Variants in MRPS27 observed in about 807,000 individuals in gnomAD.
The protein encoded by MRPS27 is small ribosomal subunit protein mS27.
In MRPS27, 43 loss-of-function variants were observed where a neutral mutation model predicts 48.9. The ratio of observed to expected loss-of-function variants is 0.88; its 90% CI spans 0.69 to 1.13. MRPS27 has a LOEUF of 1.13. Among genes scored for constraint, MRPS27 ranks in the 50% most tolerant of loss-of-function variants. The pLI is 0.00. For missense variants in MRPS27, 467 were observed against 476.3 expected (o/e 0.98, Z 0.18); for synonymous variants, 188 against 171.9 (o/e 1.09, Z -0.73).
intron 4 of MRPS27, among the ~76,000 whole-genome samples, chr5:72,243,467 T>G (rs540937469): frequency 5.9e-5 from 9 of 152,234 alleles, no homozygotes; most frequent in Admixed American, 2.0e-4. Context: ...ATGACTATTA[T>G]ATTTTTGTCA....
At chr5:72,273,739 T>C (rs1749304367) in intron 4 of MRPS27, among the ~76,000 whole-genome samples, 1 of 152,182 alleles carries the variant, frequency 6.6e-6, no homozygotes, top group African/African-American at 2.4e-5. Flanking sequence ...TAGCTCTGGG[T>C]GAGTCAGTAA....
At chr5:72,261,456 G>A (rs1748972903) in intron 4 of MRPS27, among the ~76,000 whole-genome samples, 1 of 151,778 alleles carries the variant, frequency 6.6e-6, no homozygotes, top group South Asian at 2.1e-4. Flanking sequence ...TACCATGTTG[G>A]CCAGGCTGAT....
Position 72,299,659 on chromosome 5 carries a change from C to A in MRPS27, c.152-1957G>T, listed in dbSNP as rs538978169. On this transcript the variant is annotated intron_variant, in intron 2 of 10. Transcript: ENST00000261413. The stretch of plus-strand genomic sequence containing the variant: ...GGCCTGAATGATTCCTATTTTGGTT[C>A]CTTCTAGCAGAACATCCATAGGAAT... Among the ~76,000 whole-genome samples, 5 of 152,336 alleles carry A rather than the reference C, an allele frequency of 3.3e-5. No homozygotes were observed. The East Asian group carries it at 5.8e-4, about 18-fold the overall frequency.
intron 4 of MRPS27, among the ~76,000 whole-genome samples, chr5:72,256,445 C>G (rs930296042): frequency 6.6e-6 from 1 of 152,138 alleles, no homozygotes; most frequent in Non-Finnish European, 1.5e-5. Context: ...TATATAGAGC[C>G]GAAAAGGCAC....
intron 4 of MRPS27, among the ~76,000 whole-genome samples, chr5:72,242,242 A>G (rs1204540231): frequency 6.6e-6 from 1 of 152,118 alleles, no homozygotes; most frequent in Non-Finnish European, 1.5e-5. Context: ...TCCTATTCTC[A>G]AAACTCAGGC....
In MRPS27 at chr5:72,295,408, T is replaced by C. The variant is rs1387904445; in HGVS notation, c.281+123A>G. The C allele has an allele frequency of 7.0e-6, 5 of 715,206 alleles. No individual in the cohort carries two copies. The African/African-American group carries it at 7.2e-5, about 10-fold the overall frequency. 44.3% of individuals were successfully genotyped at this position (715,206 alleles called of 1,614,324 possible). On this transcript the variant is annotated intron_variant, in intron 4 of 10. Coordinates refer to ENST00000261413, the MANE Select transcript of MRPS27 (RefSeq NM_015084.3). ...ATCAGAAACTCTCTCTATACTCATA[T>C]GAAAAGATCTTTAAAATATAAACTT...
At position 72,298,534 on chromosome 5, in the gene MRPS27, G is replaced by A. The variant is rs1244878910; in HGVS notation, c.152-832C>T. 7.9e-5 allele frequency among the ~76,000 whole-genome samples: 12 copies of A among 151,636 alleles called. 1 individual carries two copies. Among genetic ancestry groups the A allele is most frequent in the Admixed American group, 7.9e-4 (12 of 15,234 alleles). Reference sequence around the variant, plus strand: ...ATCCTGGCTAACAAGGTGAAACCCCGTCTCTACTAAAAATACAAAAAATTA... The same window carrying A: ...ATCCTGGCTAACAAGGTGAAACCCCATCTCTACTAAAAATACAAAAAATTA... On this transcript the variant is annotated intron_variant, in intron 2 of 10. Coordinates refer to ENST00000261413, the MANE Select transcript of MRPS27 (RefSeq NM_015084.3).
rs1747684178 is a variant in MRPS27 at position 72,219,548 on chromosome 5, C to G, written c.*1361G>C. Reference sequence around the variant, plus strand: ...TAACATGATCCCGGAACATTTATTTCCAGAGGCTTTTGATAGAAGAGCACA... The same window carrying G: ...TAACATGATCCCGGAACATTTATTTGCAGAGGCTTTTGATAGAAGAGCACA... On this transcript the variant is annotated 3_prime_UTR_variant, in exon 11 of 11. Transcript: ENST00000261413. 1 of 152,178 alleles carries G rather than the reference C, an allele frequency of 6.6e-6. No individual in the cohort carries two copies. The highest frequency in any genetic ancestry group is 2.1e-4 in the South Asian group (1 of 4,828). 9.4% of individuals were successfully genotyped at this position (152,178 alleles called of 1,614,324 possible). A position where few individuals can be genotyped will look rare whatever the true frequency, so the allele number is the denominator to read the frequency against.
chr5:72,308,541 C>A (rs1439118597), intron 2 of MRPS27, among the ~76,000 whole-genome samples: 1 of 152,164 alleles, frequency 6.6e-6, no homozygotes, highest in Non-Finnish European at 1.5e-5. Context: ...CGCGCCCACT[C>A]GCCGCGTTCC....
chr5:72,224,774 C>T (rs1267625078), intron 9 of MRPS27, among the ~76,000 whole-genome samples: 1 of 152,134 alleles, frequency 6.6e-6, no homozygotes, highest in African/African-American at 2.4e-5. Flanking sequence ...AAAAATAGAG[C>T]ATTTTTGTTT....
chr5:72,238,228 A>G (rs1452462606), intron 4 of MRPS27, 100 bp from the exon 5 acceptor site: 1 of 714,176 alleles, frequency 1.4e-6, no homozygotes, highest in African/African-American at 1.8e-5. Flanking sequence ...ACAGAGTGCA[A>G]TGTGACAGAA....
intron 4 of MRPS27, among the ~76,000 whole-genome samples, chr5:72,275,680 T>G (rs1749355806): frequency 6.6e-6 from 1 of 152,228 alleles, no homozygotes; most frequent in Admixed American, 6.5e-5. Context: ...GGGTGCCTCC[T>G]TGGCCAGCTG....
intron 2 of MRPS27, among the ~76,000 whole-genome samples, chr5:72,300,530 T>C (rs1174385947): frequency 6.6e-6 from 1 of 152,210 alleles, no homozygotes; most frequent in East Asian, 1.9e-4. Context: ...TGTTCTCTTA[T>C]TTCCTCAACC....
intron 9 of MRPS27, 118 bp from the exon 10 acceptor site, chr5:72,223,968 TTTCTC>T (rs1459211275): frequency 1.0e-6 from 1 of 992,882 alleles, no homozygotes; most frequent in African/African-American, 1.6e-5. Context: ...TGTGAAAACA[TTTCTC>T]TTATAAAATT....
chr5:72,304,879 C>T (rs1750218959), intron 2 of MRPS27, among the ~76,000 whole-genome samples: 1 of 152,188 alleles, frequency 6.6e-6, no homozygotes, highest in Non-Finnish European at 1.5e-5. Context: ...TCTTTCTGGG[C>T]TTATGGTCAT....
rs189049168 is a variant in MRPS27 at position 72,249,167 on chromosome 5, C to T, written c.282-11039G>A. On this transcript the variant is annotated intron_variant, in intron 4 of 10. Coordinates refer to ENST00000261413, the MANE Select transcript of MRPS27 (RefSeq NM_015084.3). ...TGGGATTTTTTAAGCATGAATAAGG[C>T]AAAACTGAATGTTAAACTGCAGAGA... Among the ~76,000 whole-genome samples the T allele has an allele frequency of 4.6e-5, 7 of 152,260 alleles. No individual in the cohort carries two copies. In the East Asian group the frequency reaches 1.3e-3, roughly 29 times the overall value.
intron 4 of MRPS27, chr5:72,241,480 T>C: frequency 1.6e-6 from 1 of 613,792 alleles, no homozygotes; most frequent in Non-Finnish European, 2.8e-6. Context: ...CTATCTGGAA[T>C]ATAAACAAGT....
intron 4 of MRPS27, among the ~76,000 whole-genome samples, chr5:72,286,270 C>T (rs931397224): frequency 1.3e-5 from 2 of 151,896 alleles, no homozygotes; most frequent in East Asian, 1.9e-4. Flanking sequence ...TGGAAAGGAC[C>T]GACACTAGCC....
chr5:72,256,154 A>C (rs1398778290), intron 4 of MRPS27, among the ~76,000 whole-genome samples: 1 of 152,214 alleles, frequency 6.6e-6, no homozygotes, highest in Non-Finnish European at 1.5e-5. Flanking sequence ...ACCATTTGCT[A>C]TTATATCCCT....
Sources: gnomAD v4.1 joint callset for allele counts (sites outside exome capture counted in the v4.1 genomes callset) on GRCh38, gnomAD v4.1.1 for gene constraint, MANE v1.5 for transcripts, NCBI Gene and HGNC (gene_info 2026-07-23, HGNC 2026-07-21) for gene names.